C2: variants seen among roughly 807,000 people sequenced by gnomAD.
C2 encodes C3/C5 convertase.
In C2, 64 loss-of-function variants were observed where a neutral mutation model predicts 85.2. That is an observed-to-expected ratio of 0.75 (90% CI 0.61 to 0.92). The LOEUF (loss-of-function observed/expected upper bound fraction) is 0.92, where lower values mean the gene tolerates loss of function less well. C2 is among the 40% of genes least tolerant of loss of function. The pLI is 0.00. For synonymous variants in C2, 311 were observed against 370.8 expected (o/e 0.84, Z 1.85); for missense variants, 820 against 971.6 (o/e 0.84, Z 2.07).
chr6:31,925,646 T>C (rs1427148154), upstream of C2, among the ~76,000 whole-genome samples: 2 of 152,098 alleles, frequency 1.3e-5, no homozygotes, highest in Admixed American at 6.6e-5. Flanking sequence ...GCAGCCACCA[T>C]CTCAGACGTT....
upstream of C2, among the ~76,000 whole-genome samples, chr6:31,917,588 T>C (rs550792878): frequency 1.3e-5 from 2 of 151,858 alleles, no homozygotes; most frequent in South Asian, 4.2e-4. Context: ...CCCCTGTATC[T>C]AAAATAAAAG....
At position 31,943,609 on chromosome 6, in the gene C2, C is replaced by T; in HGVS notation, c.1568-35C>T. On this transcript the variant is annotated intron_variant, in intron 12 of 17. Coordinates refer to ENST00000299367, the MANE Select transcript of C2 (RefSeq NM_000063.6). This position sits in a 1 kb window ranked among gnomAD's most constrained non-coding sequence, Gnocchi z 6.4. Reference sequence around the variant, plus strand: ...ACCCAGCCTCTGGCCCCTGCAGGAGCCCTGGTCTAGCCTAATCTAGTGTAT... The same window carrying T: ...ACCCAGCCTCTGGCCCCTGCAGGAGTCCTGGTCTAGCCTAATCTAGTGTAT... 2 of 1,612,166 alleles carry T rather than the reference C, an allele frequency of 1.2e-6. No homozygotes were observed. The highest frequency in any genetic ancestry group is 2.2e-5 in the East Asian group (1 of 44,884).
upstream of C2, chr6:31,927,607 C>T: frequency 6.3e-7 from 1 of 1,584,442 alleles, no homozygotes; most frequent in African/African-American, 1.3e-5. The surrounding 1 kb of genome is among the most constrained non-coding windows in gnomAD (Gnocchi z 4.7). Context: ...ATTTCCCTAA[C>T]AGAAGACCAT....
At chr6:31,924,485 A>T (rs540060526), upstream of C2, among the ~76,000 whole-genome samples, 142 of 152,300 alleles carry the variant, frequency 9.3e-4, 1 homozygote, top group Admixed American at 3.3e-3. Flanking sequence ...GAAGGGAAGA[A>T]GTTTTATACA....
intron 1 of C2, among the ~76,000 whole-genome samples, chr6:31,911,038 C>T (rs1768060024): frequency 6.6e-6 from 1 of 151,868 alleles, no homozygotes; most frequent in African/African-American, 2.4e-5. Flanking sequence ...GTGGCTCATG[C>T]CTGTAATCCC....
intron 1 of C2, among the ~76,000 whole-genome samples, chr6:31,912,227 T>C (rs1418362855): frequency 6.6e-6 from 1 of 152,226 alleles, no homozygotes; most frequent in Non-Finnish European, 1.5e-5. Flanking sequence ...AACTATTTTC[T>C]GAAGCAGTTG....
upstream of C2, among the ~76,000 whole-genome samples, chr6:31,918,221 G>C (rs1006756123): frequency 6.6e-6 from 1 of 151,756 alleles, no homozygotes; most frequent in African/African-American, 2.4e-5. Flanking sequence ...GGAGTTTGAG[G>C]CTGCCGTGAG....
chr6:31,944,371 G>A lies in C2; in HGVS notation c.1902+145G>A. On this transcript the variant is annotated intron_variant, in intron 15 of 17. Coordinates refer to ENST00000299367, the MANE Select transcript of C2 (RefSeq NM_000063.6). This position sits in a 1 kb window ranked among gnomAD's most constrained non-coding sequence, Gnocchi z 5.1. ...CTCACAAACCTGCTAGGTGTCCCTG[G>A]GTCTGCTTATTCTTTTTTTGTTGTT... The A allele has an allele frequency of 2.9e-6, 2 of 697,988 alleles. No individual in the cohort carries two copies. The allele number at this position is 697,988 out of a possible 1,614,324, so 43.2% of individuals were successfully genotyped here.
upstream of C2, chr6:31,900,679 G>A (rs1767158709): frequency 6.2e-7 from 1 of 1,612,024 alleles, no homozygotes; most frequent in African/African-American, 1.3e-5. This position sits in a 1 kb window ranked among gnomAD's most constrained non-coding sequence, Gnocchi z 9.7. Flanking sequence ...CCTTGACGAT[G>A]CAGATGTCAG....
rs1406276170 is a variant in C2 at position 31,944,676 on chromosome 6, C to T, written c.1903-51C>T. 6.2e-7 allele frequency: 1 copy of T among 1,610,242 alleles called. No homozygotes were observed. Among genetic ancestry groups the T allele is most frequent in the Non-Finnish European group, 8.5e-7 (1 of 1,178,434 alleles). ...GATTACAGGCGTGAGCCACTGCACC[C>T]ACCCGGGTCTGCTTATTCTACCCTT... On this transcript the variant is annotated intron_variant, in intron 15 of 17. Transcript: ENST00000299367. This position sits in a 1 kb window ranked among gnomAD's most constrained non-coding sequence, Gnocchi z 5.1.
chr6:31,904,655 C>T lies in C2; in HGVS notation c.73+3516C>T, dbSNP rs956837011. 3.9e-5 allele frequency among the ~76,000 whole-genome samples: 6 copies of T among 152,110 alleles called. No homozygotes were observed. The highest frequency in any genetic ancestry group is 7.3e-5 in the African/African-American group (3 of 41,374). ...ATTCTGTTTTTCTATCTCATCTCTT[C>T]TTTTCCGCATTGCCAAACTTCTCAG... On this transcript the variant is annotated intron_variant, in intron 1 of 3. Coordinates refer to the C2 transcript ENST00000452202. The surrounding 1 kb of genome is among the most constrained non-coding windows in gnomAD (Gnocchi z 4.4).
chr6:31,917,509 A>T (rs1768625238), upstream of C2, among the ~76,000 whole-genome samples: 1 of 152,198 alleles, frequency 6.6e-6, no homozygotes, highest in Non-Finnish European at 1.5e-5. Context: ...AGTGTGGGTT[A>T]AAAAATTACC....
At chr6:31,913,217 A>C (rs1768244067) in intron 1 of C2, among the ~76,000 whole-genome samples, 1 of 151,994 alleles carries the variant, frequency 6.6e-6, no homozygotes, top group Non-Finnish European at 1.5e-5. Context: ...GGTATCTGGG[A>C]CTACAAGCAT....
In C2 at chr6:31,944,469, C is replaced by T. The variant is rs1052818388; in HGVS notation, c.1902+243C>T. Among the ~76,000 whole-genome samples the T allele has an allele frequency of 2.0e-5, 3 of 152,218 alleles. No individual in the cohort carries two copies. The highest frequency in any genetic ancestry group is 2.9e-5 in the Non-Finnish European group (2 of 68,036). Reference sequence around the variant, plus strand: ...CGACCTCAGCTCACTGCAACTTCTGCCTCCTGGGTTCAAGCGATTCTCCTA... The same window carrying T: ...CGACCTCAGCTCACTGCAACTTCTGTCTCCTGGGTTCAAGCGATTCTCCTA... On this transcript the variant is annotated intron_variant, in intron 15 of 17. Transcript: ENST00000299367. This position sits in a 1 kb window ranked among gnomAD's most constrained non-coding sequence, Gnocchi z 5.1.
intron 1 of C2, among the ~76,000 whole-genome samples, chr6:31,911,128 G>A (rs1055017709): frequency 4.0e-5 from 6 of 151,360 alleles, no homozygotes; most frequent in South Asian, 2.1e-4. Context: ...GTGAAACCCC[G>A]TCTCTACTAA....
upstream of C2, among the ~76,000 whole-genome samples, chr6:31,898,643 C>CTTTT (rs75322477): frequency 1.2e-4 from 16 of 135,676 alleles, no homozygotes; most frequent in South Asian, 2.3e-4. Context: ...CCAAACTTAG[C>CTTTT]TTTTTTTTTT....
At chr6:31,901,334 G>A in intron 1 of C2, 1 of 1,585,632 alleles carries the variant, frequency 6.3e-7, no homozygotes, top group Non-Finnish European at 8.6e-7. Flanking sequence ...CCCTGGTTGG[G>A]AAGGAAACCG....
chr6:31,941,137 T>C (rs1472266573), intron 9 of C2: 1 of 152,248 alleles, frequency 6.6e-6, no homozygotes, highest in Non-Finnish European at 1.5e-5. Context: ...AGTTTCCATG[T>C]TGTGTTCTGA....
upstream of C2, chr6:31,900,286 T>C: frequency 6.2e-7 from 1 of 1,613,040 alleles, no homozygotes; most frequent in Non-Finnish European, 8.5e-7. This position sits in a 1 kb window ranked among gnomAD's most constrained non-coding sequence, Gnocchi z 9.7. Context: ...CCTGGAACAC[T>C]TCCGGGCACT....
Sources: gnomAD v4.1 joint callset for allele counts (sites outside exome capture counted in the v4.1 genomes callset) on GRCh38, gnomAD v4.1.1 for gene constraint, Gnocchi (gnomAD v3.1) non-coding constraint, MANE v1.5 for transcripts, NCBI Gene and HGNC (gene_info 2026-07-23, HGNC 2026-07-21) for gene names.